TRMT11: variants seen among roughly 807,000 people sequenced by gnomAD.
TRMT11 encodes tRNA (guanine(10)-N(2))-methyltransferase TRMT11.
A neutral mutation model predicts 62.8 loss-of-function variants in TRMT11; 53 were observed. The observed-to-expected ratio is 0.84, with a 90% CI of 0.68 to 1.06. TRMT11 has a LOEUF of 1.06. Ranked by LOEUF, TRMT11 falls within the 50% of genes least tolerant of loss-of-function variation. TRMT11 has a pLI of 0.00. For missense variants in TRMT11, 556 were observed against 553.4 expected (o/e 1.00, Z -0.05); for synonymous variants, 188 against 190.3 (o/e 0.99, Z 0.10).
chr6:126,234,556 T>C, the TRMT11 span, among the ~76,000 whole-genome samples: 1 of 152,166 alleles, frequency 6.6e-6, no homozygotes, highest in African/African-American at 2.4e-5. Flanking sequence ...ATGGGATAAA[T>C]GCAGGTGCTT....
chr6:126,060,298 C>T (rs1478526953), intron 17 of TRMT11, among the ~76,000 whole-genome samples: 2 of 152,236 alleles, frequency 1.3e-5, no homozygotes, highest in Non-Finnish European at 1.5e-5. Context: ...ATTGTTTTCT[C>T]GTAAGTGATA....
chr6:126,128,643 A>T (rs1777744943), intron 21 of TRMT11, among the ~76,000 whole-genome samples: 1 of 152,074 alleles, frequency 6.6e-6, no homozygotes, highest in Admixed American at 6.6e-5. Flanking sequence ...CACAATACCT[A>T]CTGCCTTTCC....
intron 1 of TRMT11, among the ~76,000 whole-genome samples, chr6:126,190,289 G>A (rs1778581608): frequency 6.6e-6 from 1 of 152,112 alleles, no homozygotes; most frequent in Non-Finnish European, 1.5e-5. Flanking sequence ...TCAGGGGAGG[G>A]ACCAGGTGGG....
At chr6:126,197,415 A>G (rs1248304039) in intron 1 of TRMT11, among the ~76,000 whole-genome samples, 1 of 152,194 alleles carries the variant, frequency 6.6e-6, no homozygotes, top group Non-Finnish European at 1.5e-5. Context: ...GAGGCTGATA[A>G]TCTCTTTCCT....
the TRMT11 span, among the ~76,000 whole-genome samples, chr6:126,250,325 G>A: frequency 6.6e-6 from 1 of 152,056 alleles, no homozygotes; most frequent in African/African-American, 2.4e-5. Context: ...AAGGAGTAGG[G>A]GCAGCAGGTA....
the TRMT11 span, among the ~76,000 whole-genome samples, chr6:126,267,280 G>A: frequency 6.6e-6 from 1 of 152,178 alleles, no homozygotes; most frequent in African/African-American, 2.4e-5. Flanking sequence ...GTGATATAAT[G>A]ATATAATGAA....
chr6:126,090,622 TTCTC>T (rs1016406237), intron 17 of TRMT11, among the ~76,000 whole-genome samples: 1 of 152,154 alleles, frequency 6.6e-6, no homozygotes, highest in African/African-American at 2.4e-5. Context: ...ATGGAGTCAT[TTCTC>T]TCTCTTGAAA....
intron 17 of TRMT11, among the ~76,000 whole-genome samples, chr6:126,074,864 G>GA (rs1160655391): frequency 6.6e-6 from 1 of 151,998 alleles, no homozygotes; most frequent in African/African-American, 2.4e-5. Context: ...CTAGCTGTCA[G>GA]AAAAAAATCT....
At position 126,038,971 on chromosome 6, in the gene TRMT11, G is replaced by A; in HGVS notation, c.*135G>A. ...ATATAGAAAAGCTACAAAGTAAATT[G>A]AGCAATGCTTTTAAAGTTATCTTTG... is the stretch of plus-strand genomic sequence containing the variant. On this transcript the variant is annotated 3_prime_UTR_variant, in exon 13 of 13. Coordinates refer to ENST00000334379, the MANE Select transcript of TRMT11 (RefSeq NM_001031712.3). The A allele has an allele frequency of 2.8e-6, 2 of 709,244 alleles. No homozygotes were observed. The highest frequency in any genetic ancestry group is 4.8e-5 in the South Asian group (2 of 41,844). 43.9% of individuals were successfully genotyped at this position (709,244 alleles called of 1,614,324 possible).
intron 17 of TRMT11, among the ~76,000 whole-genome samples, chr6:126,109,626 G>C (rs1777507816): frequency 6.6e-6 from 1 of 152,132 alleles, no homozygotes; most frequent in Non-Finnish European, 1.5e-5. Context: ...CCTCAGAATT[G>C]GGTTCAAATC....
intron 17 of TRMT11, among the ~76,000 whole-genome samples, chr6:126,065,346 C>T (rs1394545074): frequency 1.3e-5 from 2 of 152,004 alleles, no homozygotes; most frequent in Non-Finnish European, 2.9e-5. Flanking sequence ...GAGCTGAGTC[C>T]TGCAGGCTGA....
chr6:126,257,325 A>G, the TRMT11 span, among the ~76,000 whole-genome samples: 1 of 152,010 alleles, frequency 6.6e-6, no homozygotes, highest in African/African-American at 2.4e-5. Context: ...ATATTAAACC[A>G]TCCTTGCATC....
chr6:125,986,911 C>G (rs1789733517), intron 1 of TRMT11: 1 of 440,438 alleles, frequency 2.3e-6, no homozygotes, highest in South Asian at 3.7e-5. Context: ...ACTCCCGGAG[C>G]TCTTCGTCTA....
the TRMT11 span, among the ~76,000 whole-genome samples, chr6:126,244,713 T>C: frequency 6.6e-6 from 1 of 152,192 alleles, no homozygotes; most frequent in Non-Finnish European, 1.5e-5. Context: ...TGACTGAGTT[T>C]TGTTACTAAA....
chr6:126,219,454 G>C, the TRMT11 span, among the ~76,000 whole-genome samples: 1 of 152,226 alleles, frequency 6.6e-6, no homozygotes, highest in Non-Finnish European at 1.5e-5. Flanking sequence ...AATCTGTAGA[G>C]CCTACCAGCA....
intron 16 of TRMT11, among the ~76,000 whole-genome samples, chr6:126,050,698 CA>C (rs756418149): frequency 1.7e-3 from 216 of 129,356 alleles, no homozygotes; most frequent in East Asian, 2.5e-3. Context: ...GATGTGGTCT[CA>C]AAAAAAAAAA....
chr6:126,080,143 C>T (rs1429386196), intron 17 of TRMT11, among the ~76,000 whole-genome samples: 2 of 151,896 alleles, frequency 1.3e-5, no homozygotes, highest in African/African-American at 2.4e-5. Flanking sequence ...ACTTTGTTAC[C>T]CAGGCTGGAG....
At chr6:126,159,934 G>A (rs528206039) in intron 21 of TRMT11, among the ~76,000 whole-genome samples, 2 of 152,096 alleles carry the variant, frequency 1.3e-5, no homozygotes, top group East Asian at 3.8e-4. Flanking sequence ...GGAATTGGAA[G>A]GAAACTACAA....
In TRMT11 at chr6:125,998,744, C is replaced by A. The variant is rs1365561990; in HGVS notation, c.522+60C>A. ...TTTTTTTGAAAGCTACTTATTAGGC[C>A]TTTTGTTGACTCCTATGTAGAACTT... On this transcript the variant is annotated intron_variant, in intron 6 of 12. Transcript: ENST00000334379. 2.6e-6 allele frequency: 4 copies of A among 1,518,214 alleles called. No homozygotes were observed. The African/African-American group carries it at 5.6e-5, about 21-fold the overall frequency. The allele number at this position is 1,518,214 out of a possible 1,614,324, so 94.0% of individuals were successfully genotyped here.
Sources: gnomAD v4.1 joint callset for allele counts (sites outside exome capture counted in the v4.1 genomes callset) on GRCh38, gnomAD v4.1.1 for gene constraint, MANE v1.5 for transcripts, NCBI Gene and HGNC (gene_info 2026-07-23, HGNC 2026-07-21) for gene names.